The following KIAA1328 variants were observed in gnomAD, a reference collection of about 807,000 sequenced individuals.
KIAA1328 encodes protein hinderin.
Under a neutral mutation model 68.1 loss-of-function variants are expected in KIAA1328, and 52 were observed. The ratio of observed to expected loss-of-function variants is 0.76; its 90% CI spans 0.61 to 0.96. The LOEUF is 0.96. KIAA1328 is among the 40% of genes least tolerant of loss of function. The pLI, the probability that KIAA1328 is intolerant of heterozygous loss-of-function variation, is 0.00. For synonymous variants in KIAA1328, 232 were observed against 239.4 expected (o/e 0.97, Z 0.28); for missense variants, 641 against 677.6 (o/e 0.95, Z 0.60).
chr18:36,925,642 A>G (rs1320867514), intron 5 of KIAA1328, among the ~76,000 whole-genome samples: 1 of 151,930 alleles, frequency 6.6e-6, no homozygotes, highest in East Asian at 1.9e-4. Flanking sequence ...GGCTCAAGCA[A>G]TCCTCGCACC....
intron 8 of KIAA1328, among the ~76,000 whole-genome samples, chr18:37,160,584 C>T (rs2059257527): frequency 6.6e-6 from 1 of 152,138 alleles, no homozygotes. Flanking sequence ...GAATGAAAAA[C>T]TGTATCCAAC....
rs184954645 is a variant in KIAA1328, at chr18:37,051,998, C to T, written c.577-14892C>T. ...TGGAGGTTGCAGTGAGCCAAGATCACGCCACTGCACTTTGGCCTAGGTGAC... is the reference window on the plus strand; with the variant it reads ...TGGAGGTTGCAGTGAGCCAAGATCATGCCACTGCACTTTGGCCTAGGTGAC... On this transcript the variant is annotated intron_variant, in intron 6 of 9. Coordinates refer to ENST00000280020, the MANE Select transcript of KIAA1328 (RefSeq NM_020776.3). 1.2e-4 allele frequency among the ~76,000 whole-genome samples: 18 copies of T among 151,390 alleles called. No individual in the cohort carries two copies. The South Asian group carries it at 1.3e-3, about 11-fold the overall frequency.
intron 9 of KIAA1328, among the ~76,000 whole-genome samples, chr18:37,201,732 A>C (rs369637048): frequency 6.6e-6 from 1 of 152,208 alleles, no homozygotes; most frequent in African/African-American, 2.4e-5. Context: ...TGTGCCTGTA[A>C]TACATGTACA....
chr18:37,046,591 T>C (rs1367779511), intron 6 of KIAA1328, among the ~76,000 whole-genome samples: 1 of 152,226 alleles, frequency 6.6e-6, no homozygotes, highest in Non-Finnish European at 1.5e-5. Context: ...TTACCTTCTA[T>C]CTGAAATCTT....
At chr18:36,936,472 T>A (rs1366777717) in intron 5 of KIAA1328, among the ~76,000 whole-genome samples, 1 of 152,232 alleles carries the variant, frequency 6.6e-6, no homozygotes, top group Non-Finnish European at 1.5e-5. Context: ...TTTTTATGGC[T>A]GCATAGTATT....
At chr18:37,009,214 T>C (rs970133160) in intron 6 of KIAA1328, among the ~76,000 whole-genome samples, 2 of 152,174 alleles carry the variant, frequency 1.3e-5, no homozygotes, top group African/African-American at 2.4e-5. Context: ...TTACCTATTA[T>C]CCATTTTTTT....
intron 7 of KIAA1328, among the ~76,000 whole-genome samples, chr18:37,139,743 CTT>C (rs2058727422): frequency 6.6e-6 from 1 of 152,134 alleles, no homozygotes. Flanking sequence ...AAAGATGAGA[CTT>C]TTCCTCCAGT....
intron 7 of KIAA1328, among the ~76,000 whole-genome samples, chr18:37,113,299 C>A (rs2057995325): frequency 6.6e-6 from 1 of 152,108 alleles, no homozygotes; most frequent in Non-Finnish European, 1.5e-5. Flanking sequence ...ATCAGACTAC[C>A]AGCGGATCTC....
intron 6 of KIAA1328, among the ~76,000 whole-genome samples, chr18:37,050,115 G>C (rs2055631804): frequency 6.6e-6 from 1 of 151,782 alleles, no homozygotes; most frequent in South Asian, 2.1e-4. Context: ...TTCTATTCCT[G>C]AGCCTGATTG....
At chr18:37,066,364 G>A (rs1421474618) in intron 6 of KIAA1328, among the ~76,000 whole-genome samples, 1 of 152,128 alleles carries the variant, frequency 6.6e-6, no homozygotes, top group African/African-American at 2.4e-5. Flanking sequence ...TGTTGAAAGT[G>A]GTTGGTTTTA....
intron 4 of KIAA1328, among the ~76,000 whole-genome samples, chr18:36,868,447 T>C (rs1365492938): frequency 1.3e-5 from 2 of 152,164 alleles, no homozygotes; most frequent in Non-Finnish European, 2.9e-5. Flanking sequence ...TTTTGAAGAC[T>C]TGAAAAATGA....
chr18:37,123,534 T>C (rs529310350), intron 7 of KIAA1328, among the ~76,000 whole-genome samples: 7 of 152,232 alleles, frequency 4.6e-5, no homozygotes, highest in Non-Finnish European at 7.4e-5. Flanking sequence ...ACAAATAAGA[T>C]GTGCATAAGG....
intron 6 of KIAA1328, among the ~76,000 whole-genome samples, chr18:37,038,448 AT>A (rs1371659630): frequency 6.6e-6 from 1 of 152,010 alleles, no homozygotes; most frequent in African/African-American, 2.4e-5. Flanking sequence ...AATTTTATTA[AT>A]TTTATTTTCA....
chr18:36,972,434 G>T (rs1191471823), intron 6 of KIAA1328, among the ~76,000 whole-genome samples: 1 of 152,152 alleles, frequency 6.6e-6, no homozygotes, highest in Non-Finnish European at 1.5e-5. Flanking sequence ...ATAGCCAGAA[G>T]TATTGCCTTT....
chr18:37,018,815 T>C (rs2054239547), intron 6 of KIAA1328, among the ~76,000 whole-genome samples: 1 of 152,164 alleles, frequency 6.6e-6, no homozygotes, highest in African/African-American at 2.4e-5. Flanking sequence ...TTTATGTCTT[T>C]TTTCATTTCC....
At chr18:36,960,471 G>A (rs111537802) in intron 6 of KIAA1328, among the ~76,000 whole-genome samples, 15 of 152,348 alleles carry the variant, frequency 9.8e-5, no homozygotes, top group Admixed American at 1.3e-4. Flanking sequence ...CCAGCATGGC[G>A]TTTGAGCTCT....
intron 9 of KIAA1328, among the ~76,000 whole-genome samples, chr18:37,174,597 T>C (rs1209200863): frequency 1.3e-5 from 2 of 150,650 alleles, no homozygotes; most frequent in Non-Finnish European, 3.0e-5. Flanking sequence ...TTTATTTTAT[T>C]TTATTTTATT....
chr18:37,122,148 G>A (rs543048333), intron 7 of KIAA1328, among the ~76,000 whole-genome samples: 17 of 152,202 alleles, frequency 1.1e-4, no homozygotes, highest in Non-Finnish European at 1.8e-4. Flanking sequence ...ACTAATACAA[G>A]CAGTAAGAAA....
At chr18:37,059,320 T>C (rs2056054102) in intron 6 of KIAA1328, among the ~76,000 whole-genome samples, 1 of 151,978 alleles carries the variant, frequency 6.6e-6, no homozygotes, top group African/African-American at 2.4e-5. Flanking sequence ...ATCCAGAATC[T>C]ACAAGGAACT....
Sources: allele counts gnomAD v4.1 joint callset (sites outside exome capture counted in the v4.1 genomes callset), GRCh38; gene constraint gnomAD v4.1.1; transcripts MANE v1.5; gene names NCBI Gene and HGNC (gene_info 2026-07-23, HGNC 2026-07-21).